HPD: variants seen among roughly 807,000 people sequenced by gnomAD.
HPD encodes 4-hydroxyphenylpyruvate dioxygenase, also known as 4-hydroxyphenylpyruvic acid oxidase.
HPD carries 35 observed loss-of-function variants against 56.9 expected under a neutral mutation model. The ratio of observed to expected loss-of-function variants is 0.62; its 90% CI spans 0.47 to 0.82. The LOEUF (loss-of-function observed/expected upper bound fraction) is 0.82. Ranked by LOEUF, HPD falls within the 40% of genes least tolerant of loss-of-function variation. The pLI, the probability that HPD is intolerant of heterozygous loss-of-function variation, is 0.00. For missense variants in HPD, 442 were observed against 506.8 expected (o/e 0.87, Z 1.23); for synonymous variants, 186 against 200.2 (o/e 0.93, Z 0.60).
At chr12:121,858,128 G>C (rs140851998) in intron 2 of HPD, among the ~76,000 whole-genome samples, 160 of 152,282 alleles carry the variant, frequency 1.1e-3, no homozygotes, top group African/African-American at 3.6e-3. Flanking sequence ...GGGATTAAAA[G>C]ATTGGCAGGC....
At chr12:121,844,702 GA>G (rs956279545) in intron 11 of HPD, among the ~76,000 whole-genome samples, 1 of 151,658 alleles carries the variant, frequency 6.6e-6, no homozygotes, top group Non-Finnish European at 1.5e-5. Flanking sequence ...CTAACACAGT[GA>G]AACCCCTACT....
the HPD span, among the ~76,000 whole-genome samples, chr12:121,880,344 C>T: frequency 6.6e-6 from 1 of 151,940 alleles, no homozygotes; most frequent in Non-Finnish European, 1.5e-5. Context: ...TACATGCGCC[C>T]ACCATCACAC....
chr12:121,848,991 G>A lies in HPD; in HGVS notation c.596+8C>T, dbSNP rs1195805959. 2 of 1,610,046 alleles carry A rather than the reference G, an allele frequency of 1.2e-6. No homozygotes were observed. Among genetic ancestry groups the A allele is most frequent in the Non-Finnish European group, 8.5e-7 (1 of 1,176,532 alleles). On this transcript the variant is annotated splice_region_variant and intron_variant, in intron 9 of 13. Coordinates refer to ENST00000289004, the MANE Select transcript of HPD (RefSeq NM_002150.3). The stretch of plus-strand genomic sequence containing the variant: ...TCTTCACGCAGAGGGAGAGGGCCAA[G>A]GTCTCACCATTCGGAGGCGGACACC...
In HPD at chr12:121,844,781, TG is replaced by T. The variant is rs1224681900; in HGVS notation, c.832-950del. Among the ~76,000 whole-genome samples the T allele has an allele frequency of 1.3e-4, 19 of 151,614 alleles. 1 individual carries two copies. Among genetic ancestry groups the T allele is most frequent in the Non-Finnish European group, 1.5e-4 (10 of 67,958 alleles). On this transcript the variant is annotated intron_variant, in intron 11 of 13. Transcript: ENST00000289004. The stretch of plus-strand genomic sequence containing the variant: ...GTGTAGTCCCAGCTACTTGGGAGGC[TG>T]AGGCAGGAGAATGGCGTAAACCCGG...
upstream of HPD, among the ~76,000 whole-genome samples, chr12:121,860,074 CT>C (rs1878136496): frequency 6.6e-6 from 1 of 152,178 alleles, no homozygotes; most frequent in Non-Finnish European, 1.5e-5. Flanking sequence ...AGGAGGATCA[CT>C]TGAACCAAGG....
chr12:121,883,228 GTGTGT>G, the HPD span, among the ~76,000 whole-genome samples: 1 of 131,492 alleles, frequency 7.6e-6, no homozygotes, highest in South Asian at 2.3e-4. Context: ...GTGTGTGTGT[GTGTGT>G]GTGGTGGGGT....
upstream of HPD, among the ~76,000 whole-genome samples, chr12:121,866,848 A>T (rs1045288100): frequency 8.5e-5 from 13 of 152,184 alleles, no homozygotes; most frequent in East Asian, 2.3e-3. Flanking sequence ...CTATGACCTC[A>T]ATCAAGATAC....
At chr12:121,856,662 C>T (rs769047937) in intron 4 of HPD, 37 bp from the exon 5 acceptor site, 1 of 1,607,002 alleles carries the variant, frequency 6.2e-7, no homozygotes, top group African/African-American at 1.3e-5. Flanking sequence ...GCTAGTGGCT[C>T]AGGGGGGCAT....
chr12:121,841,200 C>CA (rs35849071), intron 12 of HPD, among the ~76,000 whole-genome samples: 26,051 of 89,170 alleles, frequency 0.29, 3,075 homozygotes, highest in African/African-American at 0.37. Flanking sequence ...GACTCTGTCT[C>CA]AAAAAAAAAA....
At chr12:121,883,209 T>A in the HPD span, among the ~76,000 whole-genome samples, 2 of 150,006 alleles carry the variant, frequency 1.3e-5, no homozygotes, top group Admixed American at 6.7e-5. Flanking sequence ...TGTGTGTGTG[T>A]GTGTGTGTGT....
chr12:121,877,133 T>C, the HPD span, among the ~76,000 whole-genome samples: 1 of 151,172 alleles, frequency 6.6e-6, no homozygotes, highest in African/African-American at 2.4e-5. Context: ...GAGTCTCTGT[T>C]ACCTACAGGG....
chr12:121,848,941 G>T, intron 9 of HPD, 58 bp downstream of exon 9: 1 of 1,248,426 alleles, frequency 8.0e-7, no homozygotes, highest in Non-Finnish European at 1.2e-6. Flanking sequence ...CAGGGAGTGG[G>T]CCAGTCCACC....
chr12:121,856,205 T>G (rs1011205668), intron 6 of HPD, 119 bp downstream of exon 6: 16 of 799,082 alleles, frequency 2.0e-5, no homozygotes, highest in Non-Finnish European at 3.3e-5. Flanking sequence ...AGCTTGTCAC[T>G]GTGATGTGGC....
At chr12:121,839,862 G>A (rs1218623545) in intron 13 of HPD, 24 bp from the exon 14 acceptor site, 10 of 1,610,944 alleles carry the variant, frequency 6.2e-6, no homozygotes, top group Non-Finnish European at 8.5e-6. Context: ...GAGAGGAGAT[G>A]AGCCAAGGAC....
chr12:121,863,930 G>C (rs1233010405), upstream of HPD, among the ~76,000 whole-genome samples: 3 of 152,056 alleles, frequency 2.0e-5, no homozygotes, highest in African/African-American at 7.2e-5. Context: ...TCTGTGAAAA[G>C]GTTTTTGTCC....
chr12:121,870,841 C>T, the HPD span, among the ~76,000 whole-genome samples: 7 of 151,964 alleles, frequency 4.6e-5, no homozygotes, highest in Admixed American at 4.6e-4. Context: ...GTTGATCCGC[C>T]CGCCTCGGTC....
At chr12:121,872,823 A>G in the HPD span, among the ~76,000 whole-genome samples, 87 of 152,206 alleles carry the variant, frequency 5.7e-4, no homozygotes, top group African/African-American at 2.0e-3. Context: ...ACATGCTTGT[A>G]TATAAAGCCA....
chr12:121,873,250 C>T, the HPD span, among the ~76,000 whole-genome samples: 2 of 152,196 alleles, frequency 1.3e-5, no homozygotes, highest in South Asian at 4.1e-4. Context: ...CCTCAATGCC[C>T]AGCTGTAGGG....
the HPD span, among the ~76,000 whole-genome samples, chr12:121,875,375 A>C: frequency 6.9e-6 from 1 of 144,058 alleles, no homozygotes; most frequent in South Asian, 2.2e-4. Context: ...TGGTGTAGAT[A>C]CTCTGTATGG....
Sources: allele counts gnomAD v4.1 joint callset (sites outside exome capture counted in the v4.1 genomes callset), GRCh38; gene constraint gnomAD v4.1.1; transcripts MANE v1.5; gene names NCBI Gene and HGNC (gene_info 2026-07-23, HGNC 2026-07-21).